COL19A1: variants seen among roughly 807,000 people sequenced by gnomAD.
COL19A1 encodes the protein collagen type XIX alpha 1 chain.
COL19A1 carries 159 observed loss-of-function variants against 190.2 expected under a neutral mutation model. The observed-to-expected ratio is 0.84, with a 90% CI of 0.73 to 0.95. The LOEUF is 0.95. Ranked by LOEUF, COL19A1 falls within the 40% of genes least tolerant of loss-of-function variation. COL19A1 has a pLI of 0.00. For synonymous variants in COL19A1, 509 were observed against 458.9 expected, an observed-to-expected ratio of 1.11 and a Z score of -1.39; for missense variants, 1,418 against 1,431.9, an observed-to-expected ratio of 0.99 and a Z score of 0.16.
In COL19A1 at chr6:70,180,974, T is replaced by C. The variant is rs139145200; in HGVS notation, c.2775+451T>C. Among the ~76,000 whole-genome samples the C allele has an allele frequency of 2.4e-3, 364 of 152,374 alleles. 2 individuals carry two copies. The highest frequency in any genetic ancestry group is 8.4e-3 in the African/African-American group (350 of 41,592). ...ACTTTCATAAATCACTACTGGTGAA[T>C]GTCTCATCCCCTTGTGTCCTAAAAG... On this transcript the variant is annotated intron_variant, in intron 44 of 50. Coordinates refer to ENST00000620364, the MANE Select transcript of COL19A1 (RefSeq NM_001858.6).
chr6:70,127,792 C>T (rs1785288810), intron 17 of COL19A1, among the ~76,000 whole-genome samples: 1 of 152,120 alleles, frequency 6.6e-6, no homozygotes, highest in Admixed American at 6.5e-5. Context: ...GAAAGACTCA[C>T]ACCCATGATT....
chr6:69,984,508 T>G (rs1442229308), intron 11 of COL19A1, among the ~76,000 whole-genome samples: 1 of 152,068 alleles, frequency 6.6e-6, no homozygotes, highest in African/African-American at 2.4e-5. Flanking sequence ...GATATATAAT[T>G]TTAGCATTTT....
chr6:69,921,991 G>A (rs1286526703), intron 4 of COL19A1, among the ~76,000 whole-genome samples: 3 of 151,990 alleles, frequency 2.0e-5, no homozygotes, highest in Admixed American at 6.6e-5. Flanking sequence ...CTTAGACATA[G>A]CAAGCTGTCA....
chr6:70,000,142 G>C (rs1478676546), intron 11 of COL19A1, among the ~76,000 whole-genome samples: 2 of 152,162 alleles, frequency 1.3e-5, no homozygotes, highest in African/African-American at 2.4e-5. Flanking sequence ...TCCTGTGTTA[G>C]TGTGCTGAGA....
intron 3 of COL19A1, among the ~76,000 whole-genome samples, chr6:69,899,585 A>G (rs183827103): frequency 5.8e-4 from 88 of 152,294 alleles, no homozygotes; most frequent in African/African-American, 1.9e-3. Flanking sequence ...TGTCCATTGT[A>G]GAAATTTTGG....
At chr6:70,156,391 T>C in intron 33 of COL19A1, 22 bp downstream of exon 33, 2 of 1,611,354 alleles carry the variant, frequency 1.2e-6, no homozygotes, top group South Asian at 2.2e-5. Context: ...TCTCCTCCAC[T>C]TTCCCCTGTG....
chr6:70,088,562 C>T (rs1782722359), intron 15 of COL19A1, among the ~76,000 whole-genome samples: 1 of 152,100 alleles, frequency 6.6e-6, no homozygotes, highest in Admixed American at 6.6e-5. Flanking sequence ...TATTGCTGCT[C>T]CAATCATCCA....
chr6:70,098,380 T>C (rs1025432995), intron 15 of COL19A1: 1 of 503,316 alleles, frequency 2.0e-6, no homozygotes, highest in African/African-American at 2.0e-5. Context: ...TGACTAATCA[T>C]TGAAATTCTT....
Position 70,211,508 on chromosome 6 carries a change from T to C in COL19A1, c.*4234T>C, listed in dbSNP as rs1371067423. 6.6e-6 allele frequency among the ~76,000 whole-genome samples: 1 copy of C among 150,844 alleles called. No individual in the cohort carries two copies. The highest frequency in any genetic ancestry group is 1.5e-5 in the Non-Finnish European group (1 of 67,774). On this transcript the variant is annotated 3_prime_UTR_variant, in exon 51 of 51. Coordinates refer to ENST00000620364, the MANE Select transcript of COL19A1 (RefSeq NM_001858.6). ...TTGTACCATCTCTGCTCACAAAGAT[T>C]ATATGCAGGCTTTGAAGAGGAGGAG... is the stretch of plus-strand genomic sequence containing the variant.
At chr6:70,138,923 A>G (rs73746872) in intron 19 of COL19A1, among the ~76,000 whole-genome samples, 1 of 151,018 alleles carries the variant, frequency 6.6e-6, no homozygotes, top group Non-Finnish European at 1.5e-5. Context: ...GTACCTGCCA[A>G]CTCTCTAGGT....
intron 10 of COL19A1, among the ~76,000 whole-genome samples, chr6:69,962,122 C>T (rs1319779073): frequency 2.0e-5 from 3 of 152,128 alleles, no homozygotes; most frequent in Non-Finnish European, 4.4e-5. Context: ...GTAGGAGGCA[C>T]TCAGTCAACT....
intron 11 of COL19A1, among the ~76,000 whole-genome samples, chr6:69,969,390 A>G (rs1775294793): frequency 6.6e-6 from 1 of 152,158 alleles, no homozygotes; most frequent in Non-Finnish European, 1.5e-5. Flanking sequence ...AGAAATTTAC[A>G]CTAGGCTTAG....
At chr6:70,057,142 T>G (rs1780552277) in intron 14 of COL19A1, among the ~76,000 whole-genome samples, 1 of 152,180 alleles carries the variant, frequency 6.6e-6, no homozygotes, top group African/African-American at 2.4e-5. Context: ...AGTAGAACCA[T>G]GTTCATGTTT....
At chr6:70,101,012 G>A (rs928018666) in intron 15 of COL19A1, among the ~76,000 whole-genome samples, 11 of 152,080 alleles carry the variant, frequency 7.2e-5, no homozygotes, top group African/African-American at 2.7e-4. Context: ...TTCAAGACTA[G>A]ATGAAAATCA....
intron 11 of COL19A1, among the ~76,000 whole-genome samples, chr6:69,983,474 A>G (rs1396583268): frequency 6.6e-6 from 1 of 152,046 alleles, no homozygotes; most frequent in Non-Finnish European, 1.5e-5. Flanking sequence ...TTTTCTTGCC[A>G]TATTTTACTG....
chr6:70,152,167 T>C (rs912075509), intron 31 of COL19A1, among the ~76,000 whole-genome samples: 3 of 152,104 alleles, frequency 2.0e-5, no homozygotes, highest in African/African-American at 7.2e-5. Context: ...AATCAGGCCC[T>C]TGACTTCATA....
At position 70,090,104 on chromosome 6, in the gene COL19A1, G is replaced by A. The variant is rs111868521; in HGVS notation, c.1225-12065G>A. On this transcript the variant is annotated intron_variant, in intron 15 of 50. Coordinates refer to ENST00000620364, the MANE Select transcript of COL19A1 (RefSeq NM_001858.6). ...GAGGCAGGAGGATACTTAAGCCCAC[G>A]AGGTTGAGGCTGCTGTGAGCAATGA... Among the ~76,000 whole-genome samples, 6 of 152,016 alleles carry A rather than the reference G, an allele frequency of 3.9e-5. No individual in the cohort carries two copies. In the East Asian group the frequency reaches 9.7e-4, roughly 24 times the overall value.
chr6:70,189,445 T>C (rs1046835259), intron 47 of COL19A1, among the ~76,000 whole-genome samples: 47 of 152,168 alleles, frequency 3.1e-4, no homozygotes, highest in Non-Finnish European at 5.9e-5. Flanking sequence ...TATCTCAGAG[T>C]GGGGCTTATT....
chr6:70,073,791 A>G (rs1781697406), intron 15 of COL19A1, among the ~76,000 whole-genome samples: 1 of 152,194 alleles, frequency 6.6e-6, no homozygotes, highest in African/African-American at 2.4e-5. Flanking sequence ...ACTGTGGAGT[A>G]GCTGAGACCT....
Sources: gnomAD v4.1 joint callset for allele counts (sites outside exome capture counted in the v4.1 genomes callset) on GRCh38, gnomAD v4.1.1 for gene constraint, MANE v1.5 for transcripts, NCBI Gene and HGNC (gene_info 2026-07-23, HGNC 2026-07-21) for gene names.